COL6A6: variants seen among roughly 807,000 people sequenced by gnomAD.
COL6A6 encodes collagen type VI alpha 6 chain, also known as collagen alpha-6(VI) chain.
Under a neutral mutation model 208.6 loss-of-function variants are expected in COL6A6, and 183 were observed. The ratio of observed to expected loss-of-function variants is 0.88; its 90% CI spans 0.78 to 0.99. COL6A6 has a LOEUF of 0.99. Ranked by LOEUF, COL6A6 falls within the 50% of genes least tolerant of loss-of-function variation. COL6A6 has a pLI of 0.00. For missense variants in COL6A6, 2,816 were observed against 2,815.2 expected, an observed-to-expected ratio of 1.00 and a Z score of -0.01; for synonymous variants, 973 against 1,011.8, an observed-to-expected ratio of 0.96 and a Z score of 0.73.
chr3:130,622,642 G>A (rs2064762868), intron 24 of COL6A6, among the ~76,000 whole-genome samples: 2 of 151,914 alleles, frequency 1.3e-5, no homozygotes, highest in Non-Finnish European at 2.9e-5. Flanking sequence ...CAGATCACGA[G>A]GTCAGGAGAT....
At position 130,568,477 on chromosome 3, in the gene COL6A6, T is replaced by C. The variant is rs1477420919; in HGVS notation, c.2274T>C (p.Phe758=). The C allele has an allele frequency of 6.2e-7, 1 of 1,613,922 alleles. No individual in the cohort carries two copies. The highest frequency in any genetic ancestry group is 1.6e-4 in the Middle Eastern group (1 of 6,062). The change falls in exon 6 of 37, where the codon TTT becomes TTC. Residue 758 remains phenylalanine (F), a synonymous_variant. Coordinates refer to ENST00000358511, the MANE Select transcript of COL6A6 (RefSeq NM_001102608.3). ...EGVIIYSVGV[F]GSNVTQLEEI... ...TAATCATCTATTCTGTGGGAGTGTT[T>C]GGCTCCAATGTCACCCAGCTTGAGG...
intron 12 of COL6A6, chr3:130,589,945 T>C: frequency 2.2e-6 from 1 of 445,618 alleles, no homozygotes; most frequent in Non-Finnish European, 4.5e-6. Flanking sequence ...CTGAAAGTTT[T>C]TGGACTAATT....
rs543649455 is a variant in COL6A6 at position 130,609,928 on chromosome 3, T to C, written c.4753-721T>C. On this transcript the variant is annotated intron_variant, in intron 22 of 36. Coordinates refer to ENST00000358511, the MANE Select transcript of COL6A6 (RefSeq NM_001102608.3). ...TAGCTTGATTACTTTTCTTTGTTGT[T>C]GCTTTCCAGCTGAGGAAAGCTCACT... 6.9e-4 allele frequency among the ~76,000 whole-genome samples: 104 copies of C among 151,642 alleles called. 1 individual carries two copies. The highest frequency in any genetic ancestry group is 2.4e-3 in the African/African-American group (101 of 41,318).
chr3:130,590,044 G>A, intron 12 of COL6A6: 1 of 448,654 alleles, frequency 2.2e-6, no homozygotes, highest in Admixed American at 2.4e-5. Context: ...AAGGTGTGTG[G>A]TCTATTTTTC....
In COL6A6 at chr3:130,563,364, G is replaced by A. The variant is rs757601806; in HGVS notation, c.361G>A (p.Ala121Thr). ...LQEAHRTYFS[A>T]PANGRDKKQF... ...GGAGGCTCACAGGACTTATTTCTCTGCACCCGCAAATGGGAGAGACAAGAA... is the reference window on the plus strand; with the variant it reads ...GGAGGCTCACAGGACTTATTTCTCTACACCCGCAAATGGGAGAGACAAGAA... Residue 121 changes from alanine to threonine, a missense_variant, in exon 3 of 37, where the codon GCA becomes ACA. Coordinates refer to ENST00000358511, the MANE Select transcript of COL6A6 (RefSeq NM_001102608.3). 34 of 1,613,868 alleles carry A rather than the reference G, an allele frequency of 2.1e-5. No homozygotes were observed. The highest frequency in any genetic ancestry group is 1.7e-4 in the Admixed American group (10 of 60,006).
chr3:130,662,633 G>C (rs1248813377), intron 35 of COL6A6, among the ~76,000 whole-genome samples: 2 of 152,164 alleles, frequency 1.3e-5, no homozygotes, highest in Non-Finnish European at 2.9e-5. Flanking sequence ...TAGCTACAAA[G>C]TAGAAATCCT....
At chr3:130,640,112 A>G (rs1295629987) in intron 28 of COL6A6, among the ~76,000 whole-genome samples, 1 of 152,188 alleles carries the variant, frequency 6.6e-6, no homozygotes, top group African/African-American at 2.4e-5. Context: ...AGATTCCTAA[A>G]ATGATTTTCA....
At chr3:130,577,923 T>C (rs1238927853) in intron 8 of COL6A6, among the ~76,000 whole-genome samples, 1 of 152,226 alleles carries the variant, frequency 6.6e-6, no homozygotes, top group African/African-American at 2.4e-5. Flanking sequence ...TTACCAACAA[T>C]TCCTTAGTTT....
rs377413102 is a variant in COL6A6 at position 130,574,483 on chromosome 3, A to C, written c.3505A>C (p.Lys1169Gln). 6 of 1,613,922 alleles carry C rather than the reference A, an allele frequency of 3.7e-6. No homozygotes were observed. Among genetic ancestry groups the C allele is most frequent in the African/African-American group, 1.3e-5 (1 of 74,952 alleles). Reference protein sequence around the residue: ...HNFDELKKVNKRIVRNICTTA... With the variant: ...HNFDELKKVNQRIVRNICTTA... ...CTTCGATGAACTGAAGAAGGTCAAT[A>C]AAAGGATCGTTCGCAACATCTGTAC... The change falls in exon 8 of 37, where the codon AAA (lysine) becomes CAA (glutamine). Residue 1169 changes from lysine to glutamine, a missense_variant. Coordinates refer to ENST00000358511, the MANE Select transcript of COL6A6 (RefSeq NM_001102608.3).
intron 1 of COL6A6, among the ~76,000 whole-genome samples, chr3:130,546,962 C>G (rs969195269): frequency 6.6e-6 from 1 of 152,234 alleles, no homozygotes; most frequent in Non-Finnish European, 1.5e-5. Context: ...CATAAAAGTT[C>G]TCCAAGTCCC....
chr3:130,601,034 TTGTG>T (rs1013484377), intron 20 of COL6A6, among the ~76,000 whole-genome samples: 2 of 152,098 alleles, frequency 1.3e-5, no homozygotes, highest in African/African-American at 4.8e-5. Context: ...TTTAAAAAAT[TTGTG>T]TGCAGAAAAG....
At chr3:130,595,694 T>C (rs73868928) in intron 18 of COL6A6, among the ~76,000 whole-genome samples, 4,171 of 152,344 alleles carry the variant, frequency 0.027, 210 homozygotes, top group African/African-American at 0.095. Flanking sequence ...TACCATGATT[T>C]ATTTGTTATA....
intron 20 of COL6A6, among the ~76,000 whole-genome samples, chr3:130,606,019 G>A (rs2064173438): frequency 6.6e-6 from 1 of 152,228 alleles, no homozygotes; most frequent in Non-Finnish European, 1.5e-5. Flanking sequence ...TACAATTCAA[G>A]ATGAGATTTG....
intron 8 of COL6A6, among the ~76,000 whole-genome samples, chr3:130,576,554 G>T (rs1391096098): frequency 1.3e-5 from 2 of 151,970 alleles, no homozygotes; most frequent in Non-Finnish European, 2.9e-5. Flanking sequence ...AATTCTCTCT[G>T]AACCATCCAG....
At chr3:130,567,868 A>G (rs1414987051) in intron 5 of COL6A6, among the ~76,000 whole-genome samples, 179 bp from the exon 6 acceptor site, 2 of 152,256 alleles carry the variant, frequency 1.3e-5, no homozygotes, top group Non-Finnish European at 2.9e-5. Flanking sequence ...TATTTAAGCA[A>G]GTTACTAAAT....
chr3:130,544,936 T>C (rs1418808637), intron 1 of COL6A6, among the ~76,000 whole-genome samples: 1 of 152,232 alleles, frequency 6.6e-6, no homozygotes, highest in Non-Finnish European at 1.5e-5. Flanking sequence ...GATATATGGT[T>C]TTCAAATATT....
chr3:130,634,242 T>TAAAAAAAAAAAAAAAAAAAAAAAAA (rs202193097), intron 26 of COL6A6, among the ~76,000 whole-genome samples: 2 of 23,808 alleles, frequency 8.4e-5, no homozygotes, highest in African/African-American at 5.8e-4. Context: ...AATAAATAAA[T>TAAAAAAAAAAAAAAAAAAAAAAAAA]AAAAAAAAAA....
intron 10 of COL6A6, among the ~76,000 whole-genome samples, chr3:130,584,892 G>T (rs1448186054): frequency 6.6e-6 from 1 of 152,158 alleles, no homozygotes; most frequent in Non-Finnish European, 1.5e-5. Flanking sequence ...GGGATTACAG[G>T]TGTGAGCCAC....
chr3:130,574,011 T>G lies in COL6A6; in HGVS notation c.3033T>G (p.Ile1011Met). The G allele has an allele frequency of 6.2e-7, 1 of 1,613,872 alleles. No homozygotes were observed. The highest frequency in any genetic ancestry group is 8.5e-7 in the Non-Finnish European group (1 of 1,179,800). The change falls in exon 8 of 37, where the codon ATT (isoleucine) becomes ATG (methionine). Residue 1011 changes from isoleucine to methionine, a missense_variant. Physicochemically the swap from Ile to Met is conservative, Grantham distance 10. Transcript: ENST00000358511. ...LVFLMDGSTS[I>M]QPNDFKKMKE... is the part of the protein sequence containing the mutation. ...TCCTTATGGATGGTTCAACTAGCAT[T>G]CAGCCAAATGACTTCAAGAAAATGA...
Sources: allele counts gnomAD v4.1 joint callset (sites outside exome capture counted in the v4.1 genomes callset), GRCh38; gene constraint gnomAD v4.1.1; transcripts MANE v1.5; gene names NCBI Gene and HGNC (gene_info 2026-07-23, HGNC 2026-07-21).